Variants in MGLL observed in about 807,000 individuals in gnomAD.
MGLL encodes the protein lysophospholipase homolog.
MGLL carries 7 observed loss-of-function variants against 29.1 expected under a neutral mutation model. The ratio of observed to expected loss-of-function variants is 0.24; its 90% CI spans 0.14 to 0.45. The LOEUF (loss-of-function observed/expected upper bound fraction) is 0.45. MGLL is among the 20% of genes least tolerant of loss of function. The pLI is 0.99. For synonymous variants in MGLL, 148 were observed against 168.3 expected, an observed-to-expected ratio of 0.88 and a Z score of 0.93; for missense variants, 356 against 413.6, an observed-to-expected ratio of 0.86 and a Z score of 1.21.
At chr3:127,720,976 A>C in intron 5 of MGLL, 77 bp downstream of exon 5, 1 of 1,308,606 alleles carries the variant, frequency 7.6e-7, no homozygotes, top group South Asian at 1.2e-5. Flanking sequence ...GTCTTTTTAC[A>C]TAGACTCAGG....
At chr3:127,715,768 C>T (rs1205507433) in intron 5 of MGLL, 2 of 456,666 alleles carry the variant, frequency 4.4e-6, no homozygotes, top group South Asian at 1.5e-5. Context: ...TCGAGGTCGA[C>T]CAGATGACTG....
At chr3:127,708,246 G>A (rs1402299751) in intron 6 of MGLL, among the ~76,000 whole-genome samples, 1 of 152,220 alleles carries the variant, frequency 6.6e-6, no homozygotes, top group Non-Finnish European at 1.5e-5. Context: ...GCAGAGCTGC[G>A]GCAGGCGAGG....
intron 3 of MGLL, among the ~76,000 whole-genome samples, chr3:127,762,335 A>C (rs1485861336): frequency 1.3e-5 from 2 of 151,904 alleles, no homozygotes; most frequent in Non-Finnish European, 2.9e-5. Context: ...TTTCCTGGTC[A>C]CATGCTGTTT....
chr3:127,782,365 C>T (rs912091093), intron 2 of MGLL, among the ~76,000 whole-genome samples: 18 of 152,204 alleles, frequency 1.2e-4, no homozygotes, highest in African/African-American at 3.1e-4. Flanking sequence ...TGTTAAAATG[C>T]GGGGCTTCAG....
chr3:127,727,835 T>C (rs2076076756), intron 3 of MGLL, among the ~76,000 whole-genome samples: 1 of 152,140 alleles, frequency 6.6e-6, no homozygotes, highest in Non-Finnish European at 1.5e-5. Context: ...AGCATTAACA[T>C]ATTTACTTAT....
At chr3:127,728,940 G>C (rs73859593) in intron 3 of MGLL, among the ~76,000 whole-genome samples, 4,079 of 152,172 alleles carry the variant, frequency 0.027, 209 homozygotes, top group African/African-American at 0.094. Context: ...AGTGTGGGTT[G>C]AACATCTCAG....
intron 4 of MGLL, among the ~76,000 whole-genome samples, chr3:127,721,788 C>T (rs1288698283): frequency 6.6e-6 from 1 of 152,096 alleles, no homozygotes; most frequent in African/African-American, 2.4e-5. Context: ...GAGGCAAGGC[C>T]TGCCCTGGTC....
chr3:127,721,126 G>A lies in MGLL; in HGVS notation c.437C>T (p.Pro146Leu), dbSNP rs528804510. The A allele has an allele frequency of 1.9e-5, 30 of 1,614,202 alleles. No homozygotes were observed. The highest frequency in any genetic ancestry group is 1.1e-4 in the East Asian group (5 of 44,880). ...GAGTACCATGCCGGCGAAGTGGCCC[G>A]GCCTCTCTGCGGCCGTGAGGATGGC... ...AIAILTAAER[P>L]GHFAGMVLIS... The change falls in exon 5 of 8, where the codon CCG (proline) becomes CTG (leucine). Residue 146 changes from proline to leucine, a missense_variant. By Grantham distance (98) the Pro-to-Leu change is moderately conservative (BLOSUM62 -3). Coordinates refer to ENST00000265052, the MANE Select transcript of MGLL (RefSeq NM_007283.7).
intron 3 of MGLL, among the ~76,000 whole-genome samples, chr3:127,725,666 A>G (rs1375997659): frequency 6.6e-6 from 1 of 152,252 alleles, no homozygotes; most frequent in Non-Finnish European, 1.5e-5. Flanking sequence ...ACTGAAAAAA[A>G]CATTCCAATA....
intron 5 of MGLL, chr3:127,712,367 C>T (rs145836506): frequency 6.6e-6 from 1 of 152,394 alleles, no homozygotes; most frequent in Non-Finnish European, 1.5e-5. Context: ...GCGTGACTGC[C>T]CACCACGATT....
chr3:127,712,543 T>A (rs2075737171), intron 5 of MGLL: 1 of 152,282 alleles, frequency 6.6e-6, no homozygotes. Context: ...GGCAGCCCCC[T>A]GCCTCTGAGG....
chr3:127,720,325 C>T (rs1029044853), intron 5 of MGLL, among the ~76,000 whole-genome samples: 2 of 152,168 alleles, frequency 1.3e-5, no homozygotes, highest in East Asian at 1.9e-4. Flanking sequence ...ACCCTCACTG[C>T]GGCTATGTAT....
chr3:127,803,185 G>A (rs1030248543), intron 2 of MGLL, among the ~76,000 whole-genome samples: 35 of 152,148 alleles, frequency 2.3e-4, no homozygotes, highest in Non-Finnish European at 5.0e-4. Context: ...TTGCCATGTT[G>A]GCCAGGCTGG....
At chr3:127,807,559 T>C (rs1576314746) in intron 2 of MGLL, among the ~76,000 whole-genome samples, 1 of 151,880 alleles carries the variant, frequency 6.6e-6, no homozygotes, top group East Asian at 1.9e-4. Context: ...TGAAAAGATA[T>C]TTGCATTTTA....
At chr3:127,698,531 C>T (rs1032423438) in intron 6 of MGLL, among the ~76,000 whole-genome samples, 24 of 152,094 alleles carry the variant, frequency 1.6e-4, no homozygotes, top group Admixed American at 1.1e-3. Context: ...ATGTTCTTCA[C>T]GTGACAAAAC....
intron 3 of MGLL, among the ~76,000 whole-genome samples, chr3:127,724,225 C>G (rs1315742254): frequency 6.6e-6 from 1 of 152,176 alleles, no homozygotes; most frequent in Non-Finnish European, 1.5e-5. Context: ...ACTCTCTCTT[C>G]CCCCACACCC....
intron 6 of MGLL, among the ~76,000 whole-genome samples, chr3:127,706,306 A>G (rs1266562287): frequency 6.6e-6 from 1 of 152,184 alleles, no homozygotes; most frequent in Non-Finnish European, 1.5e-5. Context: ...GTACTGAGAA[A>G]GAAGCTCAGT....
At chr3:127,742,132 C>T (rs750595078) in intron 3 of MGLL, among the ~76,000 whole-genome samples, 18 of 152,150 alleles carry the variant, frequency 1.2e-4, no homozygotes, top group Non-Finnish European at 2.4e-4. Flanking sequence ...ACTAAAAATG[C>T]TTTTCAACTT....
intron 2 of MGLL, chr3:127,799,442 T>C (rs1002783928): frequency 6.6e-6 from 1 of 152,188 alleles, no homozygotes; most frequent in Non-Finnish European, 1.5e-5. Context: ...TTCTGATGCT[T>C]CCAGAACTCC....
Sources: gnomAD v4.1 joint callset for allele counts (sites outside exome capture counted in the v4.1 genomes callset) on GRCh38, gnomAD v4.1.1 for gene constraint, MANE v1.5 for transcripts, NCBI Gene and HGNC (gene_info 2026-07-23, HGNC 2026-07-21) for gene names.